Variants in LGI1 observed in about 807,000 individuals in gnomAD.
LGI1 encodes the protein leucine-rich glioma-inactivated protein 1.
LGI1 carries 11 observed loss-of-function variants against 57.7 expected under a neutral mutation model. The ratio of observed to expected loss-of-function variants is 0.19; its 90% CI spans 0.12 to 0.32. The LOEUF is 0.32. Ranked by LOEUF, LGI1 falls within the 10% of genes least tolerant of loss-of-function variation. LGI1 has a pLI of 1.00. For missense variants in LGI1, 422 were observed against 661.9 expected (o/e 0.64, Z 3.98); for synonymous variants, 222 against 241.9 (o/e 0.92, Z 0.76).
intron 2 of LGI1, chr10:93,765,399 A>C (rs1321505345): frequency 6.6e-6 from 1 of 152,160 alleles, no homozygotes; most frequent in Non-Finnish European, 1.5e-5. Context: ...ACTGAGGTAA[A>C]CCAGAGAAGA....
chr10:93,797,771 T>C lies in LGI1; in HGVS notation c.1642T>C (p.Tyr548His). 6.2e-7 allele frequency: 1 copy of C among 1,604,408 alleles called. No homozygotes were observed. Among genetic ancestry groups the C allele is most frequent in the Non-Finnish European group, 8.5e-7 (1 of 1,179,912 alleles). The change falls in exon 8 of 8, where the codon TAC becomes CAC. Residue 548 changes from tyrosine (Y) to histidine (H), a missense_variant. By Grantham distance (83) the Tyr-to-His change is moderately conservative. This residue lies in a region of LGI1 where 301 missense variants were observed against 461.7 expected (regional missense o/e 0.65). Transcript: ENST00000371418. The surrounding 1 kb of genome is among the most constrained non-coding windows in gnomAD (Gnocchi z 6.5). Reference protein sequence around the residue: ...ASSFKGNTQIYKHVIVDLSA With the variant: ...ASSFKGNTQIHKHVIVDLSA ...CAGTTTTAAGGGAAATACACAGATT[T>C]ACAAACATGTCATAGTTGACTTAAG...
intron 7 of LGI1, among the ~76,000 whole-genome samples, chr10:93,795,412 A>G (rs1589774664): frequency 6.6e-6 from 1 of 152,174 alleles, no homozygotes; most frequent in African/African-American, 2.4e-5. Context: ...AGAAGGGCAA[A>G]AAAAGATCTA....
At chr10:93,775,975 C>T (rs1023994754) in intron 2 of LGI1, 1 of 152,180 alleles carries the variant, frequency 6.6e-6, no homozygotes, top group African/African-American at 2.4e-5. Context: ...TCAAGCTGAG[C>T]AGTCTTCTTG....
At chr10:93,783,986 T>C (rs1461483639) in intron 4 of LGI1, among the ~76,000 whole-genome samples, 1 of 152,202 alleles carries the variant, frequency 6.6e-6, no homozygotes. Context: ...CATTCCAGCC[T>C]GGGTGACAGA....
chr10:93,775,047 G>T (rs1487041433), intron 2 of LGI1, among the ~76,000 whole-genome samples: 2 of 151,982 alleles, frequency 1.3e-5, no homozygotes, highest in Admixed American at 6.6e-5. Flanking sequence ...TTAGCCAGAG[G>T]GTGTTTTTTT....
intron 2 of LGI1, chr10:93,763,992 T>A (rs951646577): frequency 6.6e-6 from 1 of 152,228 alleles, no homozygotes; most frequent in African/African-American, 2.4e-5. Flanking sequence ...TTGATTTAAG[T>A]ACTGCTTAGC....
At chr10:93,779,569 G>A (rs979073843) in intron 4 of LGI1, among the ~76,000 whole-genome samples, 1 of 151,942 alleles carries the variant, frequency 6.6e-6, no homozygotes, top group African/African-American at 2.4e-5. Context: ...AGGAAAAAGG[G>A]AAAGAAAAAG....
In LGI1 at chr10:93,757,956, T is replaced by C. The variant is rs2059581304; in HGVS notation, c.-189T>C. 1 of 641,136 alleles carries C rather than the reference T, an allele frequency of 1.6e-6. No homozygotes were observed. Among genetic ancestry groups the C allele is most frequent in the African/African-American group, 1.8e-5 (1 of 55,384 alleles). 39.7% of individuals were successfully genotyped at this position (641,136 alleles called of 1,614,324 possible). On this transcript the variant is annotated 5_prime_UTR_variant, in exon 1 of 8. Coordinates refer to ENST00000371418, the MANE Select transcript of LGI1 (RefSeq NM_005097.4). ...ATCTCACAGTACCTCACAGGTCTCT[T>C]CCCCCGAGCAGTGCATTGCTGGAGC...
At chr10:93,765,284 G>A (rs990242372) in intron 2 of LGI1, 2 of 152,218 alleles carry the variant, frequency 1.3e-5, no homozygotes, top group African/African-American at 4.8e-5. Flanking sequence ...TAAAATATTA[G>A]AGGTAGATTA....
chr10:93,776,107 C>T (rs1455222931), intron 2 of LGI1: 1 of 152,124 alleles, frequency 6.6e-6, no homozygotes, highest in Non-Finnish European at 1.5e-5. Context: ...TTAGTACTGG[C>T]TTTTCAGAGC....
Position 93,794,773 on chromosome 10 carries a change from C to T in LGI1, c.838+1423C>T, listed in dbSNP as rs145160802. Reference sequence around the variant, plus strand: ...CTACAATTTTTAATATCAGTTTTAGCTTCTAATACCTTTAAATCTGCTCTC... The same window carrying T: ...CTACAATTTTTAATATCAGTTTTAGTTTCTAATACCTTTAAATCTGCTCTC... On this transcript the variant is annotated intron_variant, in intron 7 of 7. Coordinates refer to ENST00000371418, the MANE Select transcript of LGI1 (RefSeq NM_005097.4). The T allele has an allele frequency of 4.4e-3, 662 of 152,126 alleles. 5 individuals are homozygous for T. The highest frequency in any genetic ancestry group is 0.015 in the African/African-American group (626 of 41,472). The allele number at this position is 152,126 out of a possible 1,614,324, so 9.4% of individuals were successfully genotyped here.
chr10:93,764,035 A>G (rs1192829561), intron 2 of LGI1: 1 of 152,224 alleles, frequency 6.6e-6, no homozygotes, highest in African/African-American at 2.4e-5. Flanking sequence ...TATAGTTGCA[A>G]GCAGCAACAA....
Position 93,792,821 on chromosome 10 carries a change from T to C in LGI1, c.582T>C (p.Thr194=). 6.2e-7 allele frequency: 1 copy of C among 1,614,094 alleles called. No individual in the cohort carries two copies. The change falls in exon 6 of 8, where the codon ACT becomes ACC. Residue 194 remains threonine, a synonymous_variant. Transcript: ENST00000371418. ...LVEWLGHTNA[T]VEDIYCEGPP... is the part of the protein sequence containing the mutation. ...AATGGCTTGGCCACACCAATGCAAC[T>C]GTTGAAGACATCTACTGCGAAGGCC...
rs2059890871 is a variant in LGI1 at position 93,785,831 on chromosome 10, C to T, written c.432-4268C>T. Reference sequence around the variant, plus strand: ...CTAACCCTAACCCACAAAGTGCTATCTCAGTCTCTCTAGCTGTTAAAATTC... The same window carrying T: ...CTAACCCTAACCCACAAAGTGCTATTTCAGTCTCTCTAGCTGTTAAAATTC... On this transcript the variant is annotated intron_variant, in intron 4 of 7. Transcript: ENST00000371418. 8.6e-5 allele frequency among the ~76,000 whole-genome samples: 4 copies of T among 46,374 alleles called. 2 individuals are homozygous for T. The highest frequency in any genetic ancestry group is 7.5e-4 in the Admixed American group (2 of 2,670). The allele number at this position is 46,374 out of a possible 152,430, so 30.4% of individuals were successfully genotyped here. A position where few individuals can be genotyped will look rare whatever the true frequency, so the allele number is the denominator to read the frequency against.
intron 5 of LGI1, 78 bp from the exon 6 acceptor site, chr10:93,792,665 G>A: frequency 7.0e-7 from 1 of 1,438,000 alleles, no homozygotes; most frequent in Non-Finnish European, 9.8e-7. Context: ...TTCTGCACAT[G>A]TTAATTGTTG....
In LGI1 at chr10:93,790,189, T is replaced by C. The variant is rs767777426; in HGVS notation, c.503+19T>C. The C allele has an allele frequency of 3.8e-6, 6 of 1,573,086 alleles. No individual in the cohort carries two copies. In the South Asian group the frequency reaches 6.8e-5, roughly 18 times the overall value. On this transcript the variant is annotated intron_variant, in intron 5 of 7. Coordinates refer to ENST00000371418, the MANE Select transcript of LGI1 (RefSeq NM_005097.4). ...CAAATGTGTAAGAGGACCTAAGAAA[T>C]CACTGAACAATTAATTAATTTGCAG...
chr10:93,772,912 A>T (rs574573168), intron 2 of LGI1: 3 of 144,902 alleles, frequency 2.1e-5, no homozygotes, highest in African/African-American at 7.5e-5. Flanking sequence ...CCATCTCTAT[A>T]AAAAAAAAAA....
At chr10:93,759,156 C>A (rs2059596737) in intron 2 of LGI1, 2 of 374,248 alleles carry the variant, frequency 5.3e-6, no homozygotes, top group African/African-American at 4.2e-5. Context: ...TTCTTTTGCC[C>A]TGGAGTTTTT....
At chr10:93,790,055 A>G in intron 4 of LGI1, 44 bp from the exon 5 acceptor site, 4 of 1,539,814 alleles carry the variant, frequency 2.6e-6, no homozygotes, top group Non-Finnish European at 2.6e-6. Context: ...CCTTTGTTTA[A>G]TTTATCACTA....
Sources: gnomAD v4.1 joint callset for allele counts (sites outside exome capture counted in the v4.1 genomes callset) on GRCh38, gnomAD v4.1.1 for gene constraint, gnomAD v4.1.1 regional missense constraint, Gnocchi (gnomAD v3.1) non-coding constraint, MANE v1.5 for transcripts, NCBI Gene and HGNC (gene_info 2026-07-23, HGNC 2026-07-21) for gene names.